Variants in EIF2A observed in about 807,000 individuals in gnomAD.
EIF2A encodes 65 kDa eukaryotic translation initiation factor 2A.
A neutral mutation model predicts 75.2 loss-of-function variants in EIF2A; 62 were observed. The ratio of observed to expected loss-of-function variants is 0.82; its 90% confidence interval spans 0.67 to 1.02. The LOEUF is 1.02. Among genes scored for constraint, EIF2A ranks in the 50% least tolerant of loss-of-function variants. EIF2A has a pLI of 0.00. For missense variants in EIF2A, 611 were observed against 677.7 expected (o/e 0.90, Z 1.09); for synonymous variants, 207 against 239.0 (o/e 0.87, Z 1.23).
At chr3:150,572,748 C>T (rs747841107) in intron 10 of EIF2A, among the ~76,000 whole-genome samples, 14 of 150,328 alleles carry the variant, frequency 9.3e-5, no homozygotes, top group African/African-American at 1.7e-4. Flanking sequence ...CCCGGCTACT[C>T]GGGAAGCTGA....
At chr3:150,573,126 C>T in intron 10 of EIF2A, among the ~76,000 whole-genome samples, 1 of 152,164 alleles carries the variant, frequency 6.6e-6, no homozygotes, top group East Asian at 1.9e-4. Context: ...ACCCATCCTG[C>T]TTTCTGAATC....
chr3:150,575,424 C>G (rs1312352067), intron 10 of EIF2A, among the ~76,000 whole-genome samples: 1 of 152,098 alleles, frequency 6.6e-6, no homozygotes, highest in African/African-American at 2.4e-5. Flanking sequence ...TGAATTTTGC[C>G]AGCTCTGATA....
intron 1 of EIF2A, among the ~76,000 whole-genome samples, chr3:150,550,437 G>GT (rs1418984870): frequency 8.5e-5 from 13 of 152,200 alleles, no homozygotes; most frequent in Admixed American, 2.6e-4. Flanking sequence ...CTGATTTTGT[G>GT]TTTTTTTCTA....
At chr3:150,564,088 G>A (rs1008204261) in intron 5 of EIF2A, among the ~76,000 whole-genome samples, 1 of 152,014 alleles carries the variant, frequency 6.6e-6, no homozygotes, top group Non-Finnish European at 1.5e-5. Context: ...CAAAGTGCTG[G>A]GATTGCAGGT....
chr3:150,567,663 C>T (rs1039780105), intron 6 of EIF2A, 30 bp from the exon 7 acceptor site: 2 of 1,423,380 alleles, frequency 1.4e-6, no homozygotes, highest in African/African-American at 2.9e-5. Flanking sequence ...GTTCTCTCAT[C>T]AATCTGATTT....
intron 11 of EIF2A, among the ~76,000 whole-genome samples, chr3:150,580,125 C>T (rs1725095389): frequency 6.6e-6 from 1 of 152,016 alleles, no homozygotes; most frequent in East Asian, 1.9e-4. Context: ...GGGAAAAATA[C>T]TGGGCATTAT....
rs187403449 is a variant in EIF2A at position 150,551,460 on chromosome 3, C to A, written c.29-896C>A. Among the ~76,000 whole-genome samples the A allele has an allele frequency of 6.4e-4, 97 of 152,006 alleles. 1 individual carries two copies. The highest frequency in any genetic ancestry group is 2.1e-3 in the African/African-American group (86 of 41,446). On this transcript the variant is annotated intron_variant, in intron 1 of 13. Coordinates refer to ENST00000460851, the MANE Select transcript of EIF2A (RefSeq NM_032025.5). ...AAAAAAGTATAGTCTAGGCTAGGTGCGGTGGCTCACACCTGTAATCTCAGC... is the reference window on the plus strand; with the variant it reads ...AAAAAAGTATAGTCTAGGCTAGGTGAGGTGGCTCACACCTGTAATCTCAGC...
intron 3 of EIF2A, among the ~76,000 whole-genome samples, chr3:150,559,255 T>C (rs1019551852): frequency 2.0e-5 from 3 of 152,228 alleles, no homozygotes; most frequent in Admixed American, 6.5e-5. Flanking sequence ...TTTTTAAAAA[T>C]TGACTACTAA....
In EIF2A at chr3:150,546,885, G is replaced by A. The variant is rs562226752; in HGVS notation, c.28+55G>A. The A allele has an allele frequency of 3.1e-6, 5 of 1,605,054 alleles. No individual in the cohort carries two copies. In the South Asian group the frequency reaches 4.4e-5, roughly 14 times the overall value. ...TTCTTCAGACTAGTTTCTTATTTTTGTCTTTGCCTTTGAGAACTACCCGAG... is the reference window on the plus strand; with the variant it reads ...TTCTTCAGACTAGTTTCTTATTTTTATCTTTGCCTTTGAGAACTACCCGAG... On this transcript the variant is annotated intron_variant, in intron 1 of 13. Transcript: ENST00000460851.
chr3:150,568,013 G>A lies in EIF2A; in HGVS notation c.661G>A (p.Ala221Thr). 1.2e-6 allele frequency: 2 copies of A among 1,612,396 alleles called. No individual in the cohort carries two copies. Among genetic ancestry groups the A allele is most frequent in the Non-Finnish European group, 8.5e-7 (1 of 1,179,490 alleles). The part of the protein sequence containing the change: ...AALANKSFFK[A>T]DKVTMLWNKK... The stretch of plus-strand genomic sequence containing the variant: ...TTTAGCTAATAAAAGTTTCTTTAAG[G>A]CAGATAAAGTTACAATGCTGTGGAA... The change falls in exon 8 of 14, where the codon GCA (alanine) becomes ACA (threonine). Residue 221 changes from alanine (A) to threonine (T), a missense_variant. Ala to Thr is a moderately conservative substitution (Grantham distance 58). Transcript: ENST00000460851.
At chr3:150,549,076 C>T (rs1033806351) in intron 1 of EIF2A, among the ~76,000 whole-genome samples, 5 of 151,948 alleles carry the variant, frequency 3.3e-5, no homozygotes, top group South Asian at 2.1e-4. Context: ...ATTTTGTTAA[C>T]CCCAACTCTT....
intron 3 of EIF2A, among the ~76,000 whole-genome samples, chr3:150,560,743 C>T (rs1163096484): frequency 3.3e-5 from 3 of 91,530 alleles, no homozygotes; most frequent in African/African-American, 8.0e-5. Context: ...TTTTGTTAAA[C>T]ACCCCAGAGT....
chr3:150,580,314 T>C (rs1351914878), intron 11 of EIF2A, among the ~76,000 whole-genome samples: 1 of 152,134 alleles, frequency 6.6e-6, no homozygotes, highest in Non-Finnish European at 1.5e-5. Flanking sequence ...AAACCACAGA[T>C]AGTACCGAAC....
chr3:150,562,440 T>G, intron 3 of EIF2A, 102 bp from the exon 4 acceptor site: 1 of 884,866 alleles, frequency 1.1e-6, no homozygotes, highest in Non-Finnish European at 1.7e-6. Flanking sequence ...AAAGTCAACA[T>G]TTTGGAGTGA....
intron 2 of EIF2A, among the ~76,000 whole-genome samples, chr3:150,556,800 C>T (rs1723593343): frequency 1.3e-5 from 2 of 152,148 alleles, no homozygotes; most frequent in Admixed American, 1.3e-4. Flanking sequence ...ATTCTGGATT[C>T]TGTAGTTTAG....
intron 7 of EIF2A, 25 bp from the exon 8 acceptor site, chr3:150,567,877 A>G (rs2293150): frequency 0.15 from 236,966 of 1,581,010 alleles, 18,775 homozygotes; most frequent in Non-Finnish European, 0.16. Context: ...AAAATTAAGT[A>G]ATGATTTATG....
At position 150,558,445 on chromosome 3, in the gene EIF2A, C is replaced by G; in HGVS notation, c.156C>G (p.Ala52=). ...TTAGTAAGGATGGGACCTTGTTTGC[C>G]TGGGGCAATGGAGAAAAGTTAGTGT... ...CIFSKDGTLF[A]WGNGEKVNII... Residue 52 remains alanine, a synonymous_variant, in exon 3 of 14, where the codon GCC becomes GCG. Coordinates refer to ENST00000460851, the MANE Select transcript of EIF2A (RefSeq NM_032025.5). 2 of 1,516,312 alleles carry G rather than the reference C, an allele frequency of 1.3e-6. No individual in the cohort carries two copies. Among genetic ancestry groups the G allele is most frequent in the South Asian group, 2.7e-5 (2 of 74,180 alleles). 93.9% of individuals were successfully genotyped at this position (1,516,312 alleles called of 1,614,324 possible). A position where few individuals can be genotyped will look rare whatever the true frequency, so the allele number is the denominator to read the frequency against.
chr3:150,562,523 T>C lies in EIF2A; in HGVS notation c.174-19T>C, dbSNP rs779909201. 17 of 1,578,066 alleles carry C rather than the reference T, an allele frequency of 1.1e-5. No individual in the cohort carries two copies. Among genetic ancestry groups the C allele is most frequent in the Middle Eastern group, 1.7e-4 (1 of 5,994 alleles). On this transcript the variant is annotated intron_variant, in intron 3 of 13. Coordinates refer to ENST00000460851, the MANE Select transcript of EIF2A (RefSeq NM_032025.5). ...ATAAAACAGTATTTCATTGCTGAAA[T>C]AATTTCTTTTGAAACCAGAGTAAAT...
chr3:150,550,308 A>C (rs1256537115), intron 1 of EIF2A, among the ~76,000 whole-genome samples: 3 of 152,240 alleles, frequency 2.0e-5, no homozygotes, highest in Non-Finnish European at 2.9e-5. Flanking sequence ...TGTAACTAAA[A>C]AGGATTCCTT....
Sources: gnomAD v4.1 joint callset for allele counts (sites outside exome capture counted in the v4.1 genomes callset) on GRCh38, gnomAD v4.1.1 for gene constraint, MANE v1.5 for transcripts, NCBI Gene and HGNC (gene_info 2026-07-23, HGNC 2026-07-21) for gene names.